ATP10A: variants seen among roughly 807,000 people sequenced by gnomAD.
The protein encoded by ATP10A is phospholipid-transporting ATPase VA.
A neutral mutation model predicts 147.8 loss-of-function variants in ATP10A; 111 were observed. That is an observed-to-expected ratio of 0.75 (90% CI 0.64 to 0.88). The LOEUF is 0.88. Ranked by LOEUF, ATP10A falls within the 40% of genes least tolerant of loss-of-function variation. The probability of loss-of-function intolerance (pLI) is 0.00; values close to 1 mark genes in which losing one functional copy is unlikely to be tolerated. For synonymous variants in ATP10A, 875 were observed against 841.6 expected (o/e 1.04, Z -0.69); for missense variants, 1,927 against 1,959.0 (o/e 0.98, Z 0.31).
chr15:25,695,290 T>G, intron 13 of ATP10A, 144 bp from the exon 14 acceptor site: 1 of 752,370 alleles, frequency 1.3e-6, no homozygotes, highest in Non-Finnish European at 2.1e-6. Flanking sequence ...CTCCAGAAAC[T>G]GTGAAGTTCA....
At chr15:25,814,382 G>C (rs887749750) in intron 1 of ATP10A, among the ~76,000 whole-genome samples, 7 of 152,174 alleles carry the variant, frequency 4.6e-5, no homozygotes, top group African/African-American at 1.7e-4. Context: ...AATGTTCAAC[G>C]AAGTCCTTCA....
At position 25,708,177 on chromosome 15, in the gene ATP10A, G is replaced by A. The variant is rs763939318; in HGVS notation, c.2448+20C>T. ...GGCGGCCACCTGCACGTGCACCCTC[G>A]CGGAGACACCCCCACTCACTCTCTT... On this transcript the variant is annotated intron_variant, in intron 11 of 20. Transcript: ENST00000555815. 2.5e-5 allele frequency: 41 copies of A among 1,614,008 alleles called. No individual in the cohort carries two copies. The East Asian group carries it at 6.0e-4, about 24-fold the overall frequency.
At chr15:25,784,408 T>C (rs1449885314) in intron 1 of ATP10A, among the ~76,000 whole-genome samples, 1 of 152,220 alleles carries the variant, frequency 6.6e-6, no homozygotes, top group Non-Finnish European at 1.5e-5. Flanking sequence ...TCAGTTTCCA[T>C]CTGCTTTGTA....
chr15:25,781,080 G>C lies in ATP10A; in HGVS notation c.593C>G (p.Ala198Gly), dbSNP rs200972406. 2 of 1,614,198 alleles carry C rather than the reference G, an allele frequency of 1.2e-6. No individual in the cohort carries two copies. The highest frequency in any genetic ancestry group is 1.7e-6 in the Non-Finnish European group (2 of 1,180,038). Reference protein sequence around the residue: ...DPDGLCHIETANLDGETNLKR... With the variant: ...DPDGLCHIETGNLDGETNLKR... ...CAGGTTGGTCTCTCCATCCAGGTTG[G>C]CGGTCTCGATGTGGCATAGCCCGTC... The change falls in exon 2 of 21, where the codon GCC becomes GGC. Residue 198 changes from alanine to glycine, a missense_variant. Coordinates refer to ENST00000555815, the MANE Select transcript of ATP10A (RefSeq NM_024490.4).
At chr15:25,779,121 C>T (rs191890815) in intron 2 of ATP10A, among the ~76,000 whole-genome samples, 16 of 152,344 alleles carry the variant, frequency 1.1e-4, no homozygotes, top group Non-Finnish European at 1.0e-4. Context: ...AAGTGATCCA[C>T]CCGCCTCGGC....
At position 25,862,905 on chromosome 15, in the gene ATP10A, G is replaced by C. The variant is rs773129630; in HGVS notation, c.192C>G (p.Leu64=). The change falls in exon 1 of 21, where the codon CTC becomes CTG. Residue 64 remains leucine, a synonymous_variant. Coordinates refer to ENST00000555815, the MANE Select transcript of ATP10A (RefSeq NM_024490.4). ...GCAQHLADNR[L]KTTKYTLLSF... is the part of the protein sequence containing the mutation. ...ACAGCAGCGTGTACTTGGTAGTCTT[G>C]AGCCGGTTGTCGGCCAGGTGCTGGG... The C allele has an allele frequency of 6.2e-7, 1 of 1,609,740 alleles. No homozygotes were observed. Among genetic ancestry groups the C allele is most frequent in the East Asian group, 2.2e-5 (1 of 44,634 alleles).
At chr15:25,846,416 G>C (rs1893026424) in intron 1 of ATP10A, among the ~76,000 whole-genome samples, 1 of 152,204 alleles carries the variant, frequency 6.6e-6, no homozygotes, top group South Asian at 2.1e-4. Context: ...CAGCTCAGCT[G>C]CTCAGTGTGA....
At chr15:25,760,522 G>C (rs1230300834) in intron 2 of ATP10A, among the ~76,000 whole-genome samples, 1 of 152,132 alleles carries the variant, frequency 6.6e-6, no homozygotes, top group African/African-American at 2.4e-5. Context: ...CAATCTTCAA[G>C]TGTTATGTCT....
At chr15:25,733,707 G>A (rs1038630777) in intron 3 of ATP10A, among the ~76,000 whole-genome samples, 4 of 152,178 alleles carry the variant, frequency 2.6e-5, no homozygotes, top group African/African-American at 7.2e-5. Context: ...TTGGCTGGGC[G>A]CACACTGGCC....
intron 1 of ATP10A, among the ~76,000 whole-genome samples, chr15:25,840,426 T>A (rs1384015754): frequency 6.6e-6 from 1 of 152,162 alleles, no homozygotes; most frequent in Non-Finnish European, 1.5e-5. Flanking sequence ...GCTCCCAGGC[T>A]TTTTCCATTC....
At chr15:25,802,787 C>T (rs1420797335) in intron 1 of ATP10A, among the ~76,000 whole-genome samples, 2 of 152,132 alleles carry the variant, frequency 1.3e-5, no homozygotes, top group African/African-American at 2.4e-5. Flanking sequence ...TTACACTGGG[C>T]CCACCCAGAT....
intron 2 of ATP10A, among the ~76,000 whole-genome samples, chr15:25,779,584 G>A (rs1889793699): frequency 6.6e-6 from 1 of 151,438 alleles, no homozygotes; most frequent in African/African-American, 2.4e-5. Context: ...GGGTGGGCAC[G>A]AGGGCCTGGG....
rs372472483 is a variant in ATP10A, at chr15:25,856,124, T to C, written c.449+6524A>G. 9.2e-5 allele frequency among the ~76,000 whole-genome samples: 14 copies of C among 152,360 alleles called. No homozygotes were observed. The South Asian group carries it at 2.7e-3, about 29-fold the overall frequency. On this transcript the variant is annotated intron_variant, in intron 1 of 20. Coordinates refer to ENST00000555815, the MANE Select transcript of ATP10A (RefSeq NM_024490.4). ...GAATTTTAGAAAGCTAACTGGTTAC[T>C]GATATGGGTTGGCTCTCTGTCCCCA... is the stretch of plus-strand genomic sequence containing the variant.
intron 1 of ATP10A, among the ~76,000 whole-genome samples, chr15:25,793,102 C>T (rs56070395): frequency 0.15 from 22,855 of 151,968 alleles, 1,794 homozygotes; most frequent in Non-Finnish European, 0.18. Flanking sequence ...AACTCCCGAC[C>T]TCAGGTGATC....
intron 2 of ATP10A, among the ~76,000 whole-genome samples, chr15:25,777,847 A>C (rs1483222584): frequency 1.3e-5 from 2 of 150,648 alleles, no homozygotes; most frequent in Non-Finnish European, 1.5e-5. Flanking sequence ...CCTGGCCTCA[A>C]ACAATCCTCC....
At chr15:25,797,697 C>T (rs769102019) in intron 1 of ATP10A, among the ~76,000 whole-genome samples, 3 of 152,202 alleles carry the variant, frequency 2.0e-5, no homozygotes, top group Non-Finnish European at 2.9e-5. Flanking sequence ...GCAGATCCTT[C>T]TCTGTCACCA....
chr15:25,785,429 C>T (rs547308545), intron 1 of ATP10A, among the ~76,000 whole-genome samples: 2 of 152,292 alleles, frequency 1.3e-5, no homozygotes, highest in East Asian at 1.9e-4. Flanking sequence ...TCCAGAACTG[C>T]GAGGTGATAC....
At chr15:25,801,048 C>T (rs950779707) in intron 1 of ATP10A, among the ~76,000 whole-genome samples, 1 of 152,018 alleles carries the variant, frequency 6.6e-6, no homozygotes, top group Non-Finnish European at 1.5e-5. Context: ...AAGAGAAAGA[C>T]CTTTGGGGTG....
chr15:25,844,462 A>G (rs1327098630), intron 1 of ATP10A, among the ~76,000 whole-genome samples: 1 of 152,252 alleles, frequency 6.6e-6, no homozygotes, highest in Non-Finnish European at 1.5e-5. Context: ...TTATGATGTC[A>G]TATTTTAAAA....
Sources: gnomAD v4.1 joint callset for allele counts (sites outside exome capture counted in the v4.1 genomes callset) on GRCh38, gnomAD v4.1.1 for gene constraint, MANE v1.5 for transcripts, NCBI Gene and HGNC (gene_info 2026-07-23, HGNC 2026-07-21) for gene names.